NCAM1: variants seen among roughly 807,000 people sequenced by gnomAD.
NCAM1 encodes antigen recognized by monoclonal antibody 5.1H11.
A neutral mutation model predicts 109.8 loss-of-function variants in NCAM1; 14 were observed. That is an observed-to-expected ratio of 0.13 (90% confidence interval 0.08 to 0.20). NCAM1 has a LOEUF of 0.20. NCAM1 is among the 10% of genes least tolerant of loss of function. The pLI, the probability that NCAM1 is intolerant of heterozygous loss-of-function variation, is 1.00. For synonymous variants in NCAM1, 418 were observed against 442.9 expected (o/e 0.94, Z 0.70); for missense variants, 774 against 1,109.9 (o/e 0.70, Z 4.30).
At position 113,255,981 on chromosome 11, in the gene NCAM1, T is replaced by C; in HGVS notation, c.1933T>C (p.Tyr645His). The C allele has an allele frequency of 6.2e-7, 1 of 1,603,744 alleles. No individual in the cohort carries two copies. The highest frequency in any genetic ancestry group is 8.5e-7 in the Non-Finnish European group (1 of 1,175,222). The change falls in exon 16 of 20, where the codon TAT becomes CAT. Residue 645 changes from tyrosine (Y) to histidine (H), a missense_variant. Physicochemically the swap from Tyr to His is moderately conservative, Grantham distance 83. Coordinates refer to ENST00000316851, the MANE Select transcript of NCAM1 (RefSeq NM_181351.5). ...TGACGGCGGCTCCCCCATCAGACAC[T>C]ATCTGGTCAGGTACCGAGCGGTGAG... is the stretch of plus-strand genomic sequence containing the variant. ...QDDGGSPIRH[Y>H]LVRYRALSSE...
rs1456335745 is a variant in NCAM1, at chr11:112,962,853, G to A, written c.52+1189G>A. Among the ~76,000 whole-genome samples, 2 of 152,058 alleles carry A rather than the reference G, an allele frequency of 1.3e-5. No individual in the cohort carries two copies. Among genetic ancestry groups the A allele is most frequent in the African/African-American group, 2.4e-5 (1 of 41,428 alleles). On this transcript the variant is annotated intron_variant, in intron 1 of 19. Transcript: ENST00000316851. This position sits in a 1 kb window ranked among gnomAD's most constrained non-coding sequence, Gnocchi z 5.6. ...GGGCCGCAGAGAGCTGGGTGGGTTG[G>A]GCGGACATTCTGGGCGGGGGGCGTG... is the stretch of plus-strand genomic sequence containing the variant.
chr11:113,167,525 G>GTT (rs782039239), intron 1 of NCAM1, among the ~76,000 whole-genome samples: 1 of 121,906 alleles, frequency 8.2e-6, no homozygotes, highest in Non-Finnish European at 1.8e-5. Context: ...GCAGAAACGT[G>GTT]TTTTTTTTTT....
intron 17 of NCAM1, chr11:113,264,319 C>T (rs184174519): frequency 4.1e-5 from 40 of 985,374 alleles, no homozygotes; most frequent in Non-Finnish European, 4.6e-5. Flanking sequence ...ATGCTGTGGT[C>T]TGAGGGGCAA....
chr11:112,979,045 G>T lies in NCAM1; in HGVS notation c.52+17381G>T, dbSNP rs191791470. On this transcript the variant is annotated intron_variant, in intron 1 of 19. Coordinates refer to ENST00000316851, the MANE Select transcript of NCAM1 (RefSeq NM_181351.5). ...AACACAGATCCTCTGATTTTATTTC[G>T]ATTTTATTTGAATTGCTTTCTGTAA... Among the ~76,000 whole-genome samples, 555 of 151,458 alleles carry T rather than the reference G, an allele frequency of 3.7e-3. 1 individual carries two copies. Among genetic ancestry groups the T allele is most frequent in the Non-Finnish European group, 4.2e-3 (286 of 67,668 alleles).
intron 1 of NCAM1, among the ~76,000 whole-genome samples, chr11:113,149,580 G>A (rs1942149531): frequency 6.6e-6 from 1 of 152,150 alleles, no homozygotes; most frequent in Admixed American, 6.5e-5. Context: ...AAGTCCTCAA[G>A]ATCTCCACAA....
chr11:113,153,699 T>C (rs1013991427), intron 1 of NCAM1, among the ~76,000 whole-genome samples: 3 of 152,178 alleles, frequency 2.0e-5, no homozygotes, highest in Admixed American at 6.5e-5. Flanking sequence ...GGGTTAGATA[T>C]GTAAATCTGG....
At chr11:113,269,881 T>G in intron 17 of NCAM1, 1 of 436,086 alleles carries the variant, frequency 2.3e-6, no homozygotes. Flanking sequence ...AACTGCCTCA[T>G]TATCCGGTGT....
At chr11:113,183,191 C>G (rs1252834245) in intron 1 of NCAM1, among the ~76,000 whole-genome samples, 1 of 152,138 alleles carries the variant, frequency 6.6e-6, no homozygotes, top group Admixed American at 6.5e-5. Context: ...TCCTTTTCAA[C>G]TGCTTTTCCC....
intron 1 of NCAM1, among the ~76,000 whole-genome samples, chr11:113,020,751 T>G (rs1952356609): frequency 6.6e-6 from 1 of 151,800 alleles, no homozygotes; most frequent in Non-Finnish European, 1.5e-5. Flanking sequence ...TGTTCTGCTG[T>G]TTATTATTAT....
At chr11:113,124,210 A>G (rs1175076950) in intron 1 of NCAM1, among the ~76,000 whole-genome samples, 1 of 152,214 alleles carries the variant, frequency 6.6e-6, no homozygotes, top group Non-Finnish European at 1.5e-5. Flanking sequence ...TGTCTTCTCT[A>G]GACTGAGAAG....
chr11:113,211,166 C>T (rs576778233), intron 7 of NCAM1, among the ~76,000 whole-genome samples: 18 of 152,188 alleles, frequency 1.2e-4, no homozygotes, highest in Admixed American at 2.6e-4. Flanking sequence ...GCTCCTTCTC[C>T]TTCCACTCTT....
At chr11:113,157,502 A>G (rs1940704) in intron 1 of NCAM1, among the ~76,000 whole-genome samples, 32,248 of 151,782 alleles carry the variant, frequency 0.21, 4,310 homozygotes, top group African/African-American at 0.37. Flanking sequence ...GCATTAGGTT[A>G]TTTGGAAGTT....
At chr11:113,021,283 A>G (rs2135242074) in intron 1 of NCAM1, among the ~76,000 whole-genome samples, 1 of 152,316 alleles carries the variant, frequency 6.6e-6, no homozygotes, top group Non-Finnish European at 1.5e-5. Context: ...TTCTCTGTCC[A>G]TCTAAGTTCT....
intron 17 of NCAM1, among the ~76,000 whole-genome samples, chr11:113,267,839 C>T (rs575906308): frequency 9.2e-5 from 14 of 152,338 alleles, no homozygotes; most frequent in African/African-American, 3.4e-4. Context: ...GCTGTCCTCT[C>T]AAGCACATAG....
intron 1 of NCAM1, among the ~76,000 whole-genome samples, chr11:113,016,480 A>G (rs988406888): frequency 6.6e-6 from 1 of 152,190 alleles, no homozygotes; most frequent in Non-Finnish European, 1.5e-5. Flanking sequence ...GTGACAATTC[A>G]CCATCCAGCC....
At chr11:113,221,566 C>T in intron 9 of NCAM1, 1 of 446,352 alleles carries the variant, frequency 2.2e-6, no homozygotes, top group South Asian at 3.3e-5. Context: ...CTTGCTGGTG[C>T]TGGTAAAATC....
intron 1 of NCAM1, among the ~76,000 whole-genome samples, chr11:113,100,324 G>A (rs1555091276): frequency 6.6e-6 from 1 of 152,134 alleles, no homozygotes; most frequent in Admixed American, 6.5e-5. Context: ...CCCCACAGTA[G>A]CATCTAGGGT....
chr11:112,965,625 T>G (rs1950711449), intron 1 of NCAM1, among the ~76,000 whole-genome samples: 1 of 152,218 alleles, frequency 6.6e-6, no homozygotes, highest in African/African-American at 2.4e-5. Context: ...GCTTAAATAA[T>G]GGACTCTGGA....
intron 1 of NCAM1, among the ~76,000 whole-genome samples, chr11:113,149,718 T>C (rs557444345): frequency 1.3e-5 from 2 of 152,372 alleles, no homozygotes; most frequent in East Asian, 3.9e-4. Context: ...ACCATATTGC[T>C]TTCTGCTACT....
Sources: gnomAD v4.1 joint callset for allele counts (sites outside exome capture counted in the v4.1 genomes callset) on GRCh38, gnomAD v4.1.1 for gene constraint, Gnocchi (gnomAD v3.1) non-coding constraint, MANE v1.5 for transcripts, NCBI Gene and HGNC (gene_info 2026-07-23, HGNC 2026-07-21) for gene names.